The following TANGO2 variants were observed in gnomAD, a reference collection of about 807,000 sequenced individuals.
TANGO2 encodes transport and Golgi organization protein 2 homolog.
A neutral mutation model predicts 39.1 loss-of-function variants in TANGO2; 26 were observed. That is an observed-to-expected ratio of 0.67 (90% CI 0.49 to 0.92). TANGO2 has a LOEUF of 0.92. Ranked by LOEUF, TANGO2 falls within the 40% of genes least tolerant of loss-of-function variation. The pLI is 0.00. For missense variants in TANGO2, 326 were observed against 360.1 expected (o/e 0.91, Z 0.77); for synonymous variants, 131 against 144.5 (o/e 0.91, Z 0.67).
intron 3 of TANGO2, 28 bp from the exon 4 acceptor site, chr22:20,052,437 A>G (rs1047559159): frequency 3.2e-6 from 5 of 1,580,052 alleles, no homozygotes; most frequent in South Asian, 1.2e-5. Flanking sequence ...GGTGGCATCA[A>G]TGGTGGTAAC....
chr22:20,038,935 T>TATTA (rs1569268412), intron 2 of TANGO2, among the ~76,000 whole-genome samples: 1 of 150,354 alleles, frequency 6.7e-6, no homozygotes, highest in African/African-American at 2.5e-5. Context: ...GTTTTTTTTT[T>TATTA]TTATTATTAT....
chr22:20,056,269 C>G (rs2047323315), intron 6 of TANGO2: 2 of 666,768 alleles, frequency 3.0e-6, no homozygotes, highest in East Asian at 5.8e-5. Context: ...CCCACCGCAG[C>G]CCTGCAGCCC....
chr22:20,061,596 T>C lies in TANGO2; in HGVS notation c.518T>C (p.Leu173Pro), dbSNP rs1462626617. The C allele has an allele frequency of 1.9e-6, 3 of 1,596,102 alleles. No homozygotes were observed. Among genetic ancestry groups the C allele is most frequent in the Non-Finnish European group, 2.6e-6 (3 of 1,171,462 alleles). Residue 173 changes from leucine (L) to proline (P), a missense_variant, in exon 7 of 9, where the codon CTC (leucine) becomes CCC (proline). By Grantham distance (98) the Leu-to-Pro change is moderately conservative. Coordinates refer to ENST00000327374, the MANE Select transcript of TANGO2 (RefSeq NM_152906.7). Reference protein sequence around the residue: ...PWRKLCFGKQLFLEAVERSQA... With the variant: ...PWRKLCFGKQPFLEAVERSQA... ...AGGAAGCTGTGCTTTGGGAAGCAGC[T>C]CTTCCTGGAGGCTGTGGAACGGAGC...
intron 2 of TANGO2, 69 bp downstream of exon 2, chr22:20,036,923 C>G: frequency 6.2e-7 from 1 of 1,614,120 alleles, no homozygotes; most frequent in Admixed American, 1.7e-5. Flanking sequence ...CTCATGCCAC[C>G]CAAGCTGCTG....
Position 20,064,535 on chromosome 22 carries a change from C to T in TANGO2, c.711-7C>T, listed in dbSNP as rs770723016. On this transcript the variant is annotated splice_region_variant and splice_polypyrimidine_tract_variant and intron_variant, in intron 8 of 8. Coordinates refer to ENST00000327374, the MANE Select transcript of TANGO2 (RefSeq NM_152906.7). The stretch of plus-strand genomic sequence containing the variant: ...CCAGGTGAACGAGGGCCCCTGCTCT[C>T]TTTCAGAACCAACACTATCATCCTG... 6.2e-7 allele frequency: 1 copy of T among 1,614,120 alleles called. No individual in the cohort carries two copies. Among genetic ancestry groups the T allele is most frequent in the Admixed American group, 1.7e-5 (1 of 60,030 alleles).
chr22:20,024,685 A>G (rs945559664), intron 1 of TANGO2, among the ~76,000 whole-genome samples: 1 of 152,126 alleles, frequency 6.6e-6, no homozygotes, highest in African/African-American at 2.4e-5. Flanking sequence ...CTACCCTCCC[A>G]AGTGTCTAGG....
chr22:20,050,778 T>G (rs2046184090), intron 3 of TANGO2, among the ~76,000 whole-genome samples: 1 of 151,930 alleles, frequency 6.6e-6, no homozygotes, highest in Admixed American at 6.6e-5. Flanking sequence ...ATACATCGGT[T>G]TTGGTATTCC....
At chr22:20,051,093 T>A (rs1283154116) in intron 3 of TANGO2, among the ~76,000 whole-genome samples, 1 of 150,148 alleles carries the variant, frequency 6.7e-6, no homozygotes, top group African/African-American at 2.4e-5. Context: ...ACTCCCAACC[T>A]CAGGTGATCT....
rs1388080124 is a variant in TANGO2 at position 20,064,651 on chromosome 22, CT to C, written c.821del (p.Leu274ArgfsTer75). On this transcript the variant is annotated frameshift_variant, in exon 9 of 9. Transcript: ENST00000327374. LOFTEE classifies it high-confidence loss of function. ...GGAGACCAGAACCTATGAGTTCACA[CT>C]GCAGAGCTAACCCCACCTCTGGGCC... Reference protein sequence around the residue: ...HWETRTYEFTLQS With the variant: ...HWETRTYEFTXQS 1.2e-6 allele frequency: 2 copies of C among 1,614,128 alleles called. No individual in the cohort carries two copies. The highest frequency in any genetic ancestry group is 1.7e-6 in the Non-Finnish European group (2 of 1,179,982).
chr22:20,058,602 A>T (rs1569330452), intron 6 of TANGO2: 1 of 151,540 alleles, frequency 6.6e-6, no homozygotes, highest in East Asian at 1.9e-4. Context: ...AGATCGCGCC[A>T]CTGTACTCCA....
In TANGO2 at chr22:20,061,557, TG is replaced by T; in HGVS notation, c.481del (p.Glu161ArgfsTer61). On this transcript the variant is annotated frameshift_variant, in exon 7 of 9. Transcript: ENST00000327374. LOFTEE classifies it high-confidence loss of function. ...ACCTACGGGCTGAGCAACGCGCTGC[TG>T]GAGACTCCCTGGAGGAAGCTGTGCT... ...PGTYGLSNAL[L>X]ETPWRKLCFG... 6.2e-7 allele frequency: 1 copy of T among 1,606,944 alleles called. No homozygotes were observed.
chr22:20,046,325 A>G (rs2045180233), intron 3 of TANGO2, among the ~76,000 whole-genome samples: 1 of 151,714 alleles, frequency 6.6e-6, no homozygotes, highest in Non-Finnish European at 1.5e-5. Flanking sequence ...TTTAAAAATA[A>G]TTTGTAGCGA....
At chr22:20,039,666 C>T (rs978922638) in intron 2 of TANGO2, among the ~76,000 whole-genome samples, 4 of 152,024 alleles carry the variant, frequency 2.6e-5, no homozygotes, top group Admixed American at 6.6e-5. Flanking sequence ...TGCCTGTTTA[C>T]AGCCCCACGT....
chr22:20,055,468 G>A (rs1172299077), intron 5 of TANGO2: 2 of 222,846 alleles, frequency 9.0e-6, no homozygotes, highest in Non-Finnish European at 1.8e-5. Context: ...TAACACTTGA[G>A]AGTAGGAAAA....
chr22:20,035,213 T>C (rs2042625853), intron 1 of TANGO2, among the ~76,000 whole-genome samples: 1 of 152,246 alleles, frequency 6.6e-6, no homozygotes, highest in African/African-American at 2.4e-5. Context: ...ATCCCAATAC[T>C]TCAACTGCAC....
In TANGO2 at chr22:20,064,645, T is replaced by G; in HGVS notation, c.814T>G (p.Phe272Val). Residue 272 changes from phenylalanine (F) to valine (V), a missense_variant, in exon 9 of 9, where the codon TTC (phenylalanine) becomes GTC (valine). Coordinates refer to ENST00000327374, the MANE Select transcript of TANGO2 (RefSeq NM_152906.7). The part of the protein sequence containing the change: ...LSHWETRTYE[F>V]TLQS ...CCACTGGGAGACCAGAACCTATGAG[T>G]TCACACTGCAGAGCTAACCCCACCT... is the stretch of plus-strand genomic sequence containing the variant. 6.2e-7 allele frequency: 1 copy of G among 1,614,022 alleles called. No homozygotes were observed. The highest frequency in any genetic ancestry group is 8.5e-7 in the Non-Finnish European group (1 of 1,179,958).
chr22:20,034,912 G>C (rs985068596), intron 1 of TANGO2, among the ~76,000 whole-genome samples: 1 of 152,216 alleles, frequency 6.6e-6, no homozygotes, highest in African/African-American at 2.4e-5. Flanking sequence ...TCAGCTCCTG[G>C]CAATTTTTAA....
rs199726211 is a variant in TANGO2, at chr22:20,036,785, C to T, written c.-14C>T. On this transcript the variant is annotated 5_prime_UTR_variant, in exon 2 of 9. Coordinates refer to ENST00000327374, the MANE Select transcript of TANGO2 (RefSeq NM_152906.7). Reference sequence around the variant, plus strand: ...ACCTCGCGACCTGTGTCAGCAGAGCCGCCCTGCACCACCATGTGCATCATC... The same window carrying T: ...ACCTCGCGACCTGTGTCAGCAGAGCTGCCCTGCACCACCATGTGCATCATC... The T allele has an allele frequency of 2.4e-4, 381 of 1,614,250 alleles. No individual in the cohort carries two copies. Among genetic ancestry groups the T allele is most frequent in the Non-Finnish European group, 3.0e-4 (356 of 1,180,040 alleles).
At chr22:20,054,078 G>A in intron 5 of TANGO2, 1 of 284,440 alleles carries the variant, frequency 3.5e-6, no homozygotes, top group Non-Finnish European at 6.9e-6. Flanking sequence ...AGGCAAACGG[G>A]AAGTGGTCGG....
Sources: allele counts gnomAD v4.1 joint callset (sites outside exome capture counted in the v4.1 genomes callset), GRCh38; gene constraint gnomAD v4.1.1; transcripts MANE v1.5; gene names NCBI Gene and HGNC (gene_info 2026-07-23, HGNC 2026-07-21).